The following FRK variants were observed in gnomAD, a reference collection of about 807,000 sequenced individuals.
FRK encodes fyn related Src family tyrosine kinase, also known as tyrosine-protein kinase FRK.
A neutral mutation model predicts 56.4 loss-of-function variants in FRK; 51 were observed. The observed-to-expected ratio is 0.90, with a 90% confidence interval of 0.72 to 1.14. The LOEUF (loss-of-function observed/expected upper bound fraction) is 1.14, where lower values mean the gene tolerates loss of function less well. FRK is among the 50% of genes most tolerant of loss of function. The probability of loss-of-function intolerance (pLI) is 0.00; values close to 1 mark genes in which losing one functional copy is unlikely to be tolerated. For missense variants in FRK, 570 were observed against 601.4 expected, an observed-to-expected ratio of 0.95 and a Z score of 0.55; for synonymous variants, 245 against 217.9, an observed-to-expected ratio of 1.12 and a Z score of -1.10.
At chr6:116,098,455 C>G in the FRK span, among the ~76,000 whole-genome samples, 2 of 152,040 alleles carry the variant, frequency 1.3e-5, no homozygotes, top group African/African-American at 4.8e-5. Flanking sequence ...TTCTTGTGTG[C>G]TTGAAAACTC....
Sources: gnomAD v4.1 joint callset for allele counts (sites outside exome capture counted in the v4.1 genomes callset) on GRCh38, gnomAD v4.1.1 for gene constraint, MANE v1.5 for transcripts, NCBI Gene and HGNC (gene_info 2026-07-23, HGNC 2026-07-21) for gene names.